Variants in LRFN2 observed in about 807,000 individuals in gnomAD.
LRFN2 encodes leucine rich repeat and fibronectin type III domain containing 2.
In LRFN2, 18 loss-of-function variants were observed where a neutral mutation model predicts 37.3. That is an observed-to-expected ratio of 0.48 (90% CI 0.33 to 0.72). The LOEUF (loss-of-function observed/expected upper bound fraction) is 0.72. Among genes scored for constraint, LRFN2 ranks in the 30% least tolerant of loss-of-function variants. The pLI is 0.02. For synonymous variants in LRFN2, 556 were observed against 466.6 expected (o/e 1.19, Z -2.47); for missense variants, 1,006 against 1,060.7 (o/e 0.95, Z 0.72).
intron 2 of LRFN2, among the ~76,000 whole-genome samples, chr6:40,426,797 C>T (rs1763363497): frequency 6.6e-6 from 1 of 152,204 alleles, no homozygotes; most frequent in South Asian, 2.1e-4. Context: ...CTCATCAGCC[C>T]TCCTCTGGAT....
At position 40,415,898 on chromosome 6, in the gene LRFN2, A is replaced by G. The variant is rs576557151; in HGVS notation, c.1400+15816T>C. Among the ~76,000 whole-genome samples the G allele has an allele frequency of 2.0e-5, 3 of 152,364 alleles. No individual in the cohort carries two copies. The South Asian group carries it at 6.2e-4, about 32-fold the overall frequency. The stretch of plus-strand genomic sequence containing the variant: ...AACTGAGAATTATGTTCAAAAATTA[A>G]CTGAACATATTACAGAAAAAGAATT... On this transcript the variant is annotated intron_variant, in intron 2 of 2. Transcript: ENST00000338305.
intron 2 of LRFN2, among the ~76,000 whole-genome samples, chr6:40,428,139 AC>A (rs1763396359): frequency 6.6e-6 from 1 of 152,246 alleles, no homozygotes; most frequent in South Asian, 2.1e-4. Context: ...TAGAATAGTG[AC>A]CAGCACAAAT....
intron 1 of LRFN2, among the ~76,000 whole-genome samples, chr6:40,555,995 TCA>T (rs3997707): frequency 0.47 from 72,010 of 151,870 alleles, 18,089 homozygotes; most frequent in African/African-American, 0.64. Flanking sequence ...CAGAATAATC[TCA>T]ACAATAATGA....
intron 2 of LRFN2, among the ~76,000 whole-genome samples, chr6:40,426,762 T>A (rs928907343): frequency 6.6e-6 from 1 of 152,194 alleles, no homozygotes; most frequent in African/African-American, 2.4e-5. Context: ...TTCTCCCATT[T>A]CACATGAGCT....
intron 1 of LRFN2, among the ~76,000 whole-genome samples, chr6:40,508,695 T>C (rs1443373566): frequency 6.6e-6 from 1 of 152,246 alleles, no homozygotes; most frequent in African/African-American, 2.4e-5. Context: ...AAAGACTTAA[T>C]ACATGTAAGA....
intron 2 of LRFN2, among the ~76,000 whole-genome samples, chr6:40,412,755 C>CAG (rs1284238926): frequency 6.6e-6 from 1 of 152,216 alleles, no homozygotes; most frequent in African/African-American, 2.4e-5. Flanking sequence ...ATACAAGTCC[C>CAG]TGCCTTGTGG....
intron 1 of LRFN2, among the ~76,000 whole-genome samples, chr6:40,550,880 C>T (rs764181194): frequency 2.6e-5 from 4 of 152,144 alleles, no homozygotes; most frequent in African/African-American, 4.8e-5. Flanking sequence ...CAGCGTCTCC[C>T]CGCGGGCATG....
chr6:40,446,850 C>T (rs561785910), intron 1 of LRFN2, among the ~76,000 whole-genome samples: 1 of 151,952 alleles, frequency 6.6e-6, no homozygotes, highest in South Asian at 2.1e-4. Context: ...ACTGGGGCTC[C>T]CTGATGATGG....
rs547835452 is a variant in LRFN2, at chr6:40,438,304, T to C, written c.-18-5173A>G. Among the ~76,000 whole-genome samples the C allele has an allele frequency of 2.9e-4, 44 of 152,270 alleles. No homozygotes were observed. The South Asian group carries it at 8.9e-3, about 31-fold the overall frequency. On this transcript the variant is annotated intron_variant, in intron 1 of 2. Coordinates refer to ENST00000338305, the MANE Select transcript of LRFN2 (RefSeq NM_020737.3). ...CCTTCCTTGACTGGGTTTCTTCATG[T>C]AGTCTTCACAACCCCACAAGGTGAG...
At chr6:40,524,402 A>G (rs432028) in intron 1 of LRFN2, among the ~76,000 whole-genome samples, 94,247 of 129,550 alleles carry the variant, frequency 0.73, 33,302 homozygotes, top group African/African-American at 0.89. Flanking sequence ...GACCCGCCAC[A>G]CCTCTAACAC....
At chr6:40,500,602 A>C (rs1463407516) in intron 1 of LRFN2, among the ~76,000 whole-genome samples, 1 of 152,264 alleles carries the variant, frequency 6.6e-6, no homozygotes, top group Non-Finnish European at 1.5e-5. Flanking sequence ...TGTTCATCAT[A>C]GTGTTGTTTG....
chr6:40,511,119 A>C (rs1486593892), intron 1 of LRFN2, among the ~76,000 whole-genome samples: 1 of 152,126 alleles, frequency 6.6e-6, no homozygotes, highest in Non-Finnish European at 1.5e-5. Flanking sequence ...CACCAGGGGA[A>C]ATAATGAGGG....
At chr6:40,441,813 A>G (rs1223634793) in intron 1 of LRFN2, among the ~76,000 whole-genome samples, 1 of 152,154 alleles carries the variant, frequency 6.6e-6, no homozygotes, top group Non-Finnish European at 1.5e-5. Flanking sequence ...TTCTTTGTCC[A>G]AACTGCCCCT....
chr6:40,507,512 C>A (rs763743362), intron 1 of LRFN2, among the ~76,000 whole-genome samples: 29 of 152,156 alleles, frequency 1.9e-4, no homozygotes, highest in Admixed American at 5.9e-4. Context: ...CATGGGAGTG[C>A]GGATTAAAGG....
intron 1 of LRFN2, among the ~76,000 whole-genome samples, chr6:40,522,036 G>A (rs1004143685): frequency 2.6e-5 from 4 of 152,178 alleles, no homozygotes; most frequent in South Asian, 4.1e-4. Flanking sequence ...TCTTTATGGG[G>A]TACTATGGTG....
At chr6:40,484,716 A>G (rs7757415) in intron 1 of LRFN2, among the ~76,000 whole-genome samples, 11,823 of 152,232 alleles carry the variant, frequency 0.078, 827 homozygotes, top group African/African-American at 0.18. Flanking sequence ...AGGCCTGTAC[A>G]GGAGCATGTC....
intron 2 of LRFN2, 139 bp downstream of exon 2, chr6:40,431,575 T>A: frequency 1.6e-6 from 1 of 614,458 alleles, no homozygotes; most frequent in Non-Finnish European, 2.6e-6. Context: ...CCTGCACGAA[T>A]GGCACAGTTT....
intron 1 of LRFN2, among the ~76,000 whole-genome samples, chr6:40,547,066 G>A (rs1228708401): frequency 6.6e-6 from 1 of 150,720 alleles, no homozygotes. Flanking sequence ...GGATGTAAGA[G>A]TATATTTCTG....
At chr6:40,476,329 G>T (rs1764708874) in intron 1 of LRFN2, among the ~76,000 whole-genome samples, 3 of 152,232 alleles carry the variant, frequency 2.0e-5, no homozygotes, top group Admixed American at 2.0e-4. Context: ...TGATAACACA[G>T]ATGTATTAGG....
Sources: gnomAD v4.1 joint callset for allele counts (sites outside exome capture counted in the v4.1 genomes callset) on GRCh38, gnomAD v4.1.1 for gene constraint, MANE v1.5 for transcripts, NCBI Gene and HGNC (gene_info 2026-07-23, HGNC 2026-07-21) for gene names.